ATRN: variants seen among roughly 807,000 people sequenced by gnomAD.
ATRN encodes attractin-2.
ATRN carries 54 observed loss-of-function variants against 178.7 expected under a neutral mutation model. The observed-to-expected ratio is 0.30, with a 90% CI of 0.24 to 0.38. The LOEUF is 0.38. Ranked by LOEUF, ATRN falls within the 10% of genes least tolerant of loss-of-function variation. ATRN has a pLI of 1.00. For missense variants in ATRN, 1,443 were observed against 1,815.1 expected, an observed-to-expected ratio of 0.79 and a Z score of 3.73; for synonymous variants, 636 against 663.0, an observed-to-expected ratio of 0.96 and a Z score of 0.63.
chr20:3,488,506 G>C (rs1225323313), intron 1 of ATRN, among the ~76,000 whole-genome samples: 1 of 152,136 alleles, frequency 6.6e-6, no homozygotes, highest in African/African-American at 2.4e-5. Flanking sequence ...GTGCTCTGTA[G>C]TGCTGCGTCT....
intron 28 of ATRN, 120 bp from the exon 29 acceptor site, chr20:3,646,603 T>G (rs1311763085): frequency 1.5e-6 from 2 of 1,369,724 alleles, no homozygotes; most frequent in African/African-American, 2.9e-5. Flanking sequence ...TTTTTTGTTC[T>G]GGTTTTTTGG....
At chr20:3,548,318 A>G (rs1050472488) in intron 5 of ATRN, among the ~76,000 whole-genome samples, 3 of 152,068 alleles carry the variant, frequency 2.0e-5, no homozygotes, top group Non-Finnish European at 4.4e-5. Flanking sequence ...AAGATAATAC[A>G]GGCTGGGTGT....
At chr20:3,503,476 T>C (rs964595797) in intron 1 of ATRN, among the ~76,000 whole-genome samples, 1 of 151,860 alleles carries the variant, frequency 6.6e-6, no homozygotes, top group Non-Finnish European at 1.5e-5. Context: ...ATTAAAATTA[T>C]CCTGAAACAA....
At chr20:3,519,267 C>T (rs928535431) in intron 1 of ATRN, among the ~76,000 whole-genome samples, 20 of 152,036 alleles carry the variant, frequency 1.3e-4, no homozygotes, top group African/African-American at 3.6e-4. Flanking sequence ...GATCTGAGAA[C>T]GGAGAAGATT....
At chr20:3,481,536 A>G (rs1041272122) in intron 1 of ATRN, among the ~76,000 whole-genome samples, 1 of 151,994 alleles carries the variant, frequency 6.6e-6, no homozygotes, top group African/African-American at 2.4e-5. Context: ...TGTGGAGATG[A>G]GGTCTCACTA....
chr20:3,609,718 G>GTGTT (rs2086735366), intron 24 of ATRN, among the ~76,000 whole-genome samples: 1 of 114,846 alleles, frequency 8.7e-6, no homozygotes, highest in Admixed American at 8.7e-5. Flanking sequence ...GTATGTATGT[G>GTGTT]TGTGTGTGTG....
intron 10 of ATRN, among the ~76,000 whole-genome samples, chr20:3,564,643 T>C (rs1415752321): frequency 6.6e-6 from 1 of 152,224 alleles, no homozygotes; most frequent in African/African-American, 2.4e-5. Flanking sequence ...GAAATTTCAT[T>C]TTCCACCTTT....
intron 1 of ATRN, among the ~76,000 whole-genome samples, chr20:3,474,351 G>A (rs2084481867): frequency 6.6e-6 from 1 of 152,014 alleles, no homozygotes; most frequent in Non-Finnish European, 1.5e-5. Context: ...ATATTTTGTG[G>A]GCTTTGGGAT....
chr20:3,575,731 C>A, intron 12 of ATRN, 96 bp from the exon 13 acceptor site: 2 of 1,364,490 alleles, frequency 1.5e-6, no homozygotes, highest in Non-Finnish European at 2.0e-6. Context: ...CTTCATTTTA[C>A]TTCTTAACCA....
In ATRN at chr20:3,650,870, C is replaced by T. The variant is rs2087141818; in HGVS notation, c.*4023C>T. 1.3e-5 allele frequency: 2 copies of T among 152,518 alleles called. No individual in the cohort carries two copies. Among genetic ancestry groups the T allele is most frequent in the South Asian group, 2.1e-4 (1 of 4,828 alleles). 9.4% of individuals were successfully genotyped at this position (152,518 alleles called of 1,614,324 possible). Reference sequence around the variant, plus strand: ...AATATGTATAATTTAGCATCTATTACACTCATGTAAATATGGAGTAAGTAT... The same window carrying T: ...AATATGTATAATTTAGCATCTATTATACTCATGTAAATATGGAGTAAGTAT... On this transcript the variant is annotated 3_prime_UTR_variant, in exon 29 of 29. Transcript: ENST00000262919.
intron 16 of ATRN, among the ~76,000 whole-genome samples, chr20:3,583,281 A>C (rs1368202579): frequency 1.3e-5 from 2 of 152,228 alleles, no homozygotes; most frequent in Non-Finnish European, 2.9e-5. Context: ...AGTGGATTGT[A>C]AAACCCCTAA....
intron 23 of ATRN, among the ~76,000 whole-genome samples, chr20:3,602,898 G>T (rs887343437): frequency 2.1e-5 from 3 of 145,306 alleles, no homozygotes; most frequent in African/African-American, 7.7e-5. Flanking sequence ...GGGAGGCGGA[G>T]GTTGCAGTGA....
At chr20:3,503,191 C>T (rs940274597) in intron 1 of ATRN, among the ~76,000 whole-genome samples, 3 of 152,088 alleles carry the variant, frequency 2.0e-5, no homozygotes, top group South Asian at 2.1e-4. Flanking sequence ...GCTATTGGAA[C>T]GATAGCCTAG....
At chr20:3,512,450 T>A (rs1417870786) in intron 1 of ATRN, among the ~76,000 whole-genome samples, 1 of 152,182 alleles carries the variant, frequency 6.6e-6, no homozygotes, top group Non-Finnish European at 1.5e-5. Context: ...TCATTTTTTA[T>A]GGCTGCATAG....
In ATRN at chr20:3,594,501, G is replaced by A. The variant is rs769607865; in HGVS notation, c.3345G>A (p.Ala1115=). ...CAGCATGCAAGTGCAATGGGCACGC[G>A]TCTCTGTGCAACACCAACACGGGCA... The part of the protein sequence containing the change: ...KCQPCKCNGH[A]SLCNTNTGKC... Residue 1115 remains alanine (A), a synonymous_variant, in exon 20 of 29, where the codon GCG becomes GCA. Coordinates refer to ENST00000262919, the MANE Select transcript of ATRN (RefSeq NM_139321.3). 2.4e-5 allele frequency: 38 copies of A among 1,611,174 alleles called. No individual in the cohort carries two copies. Among genetic ancestry groups the A allele is most frequent in the South Asian group, 7.7e-5 (7 of 90,696 alleles).
At chr20:3,490,548 C>T (rs1307273216) in intron 1 of ATRN, 3 of 1,130,684 alleles carry the variant, frequency 2.7e-6, no homozygotes, top group East Asian at 2.3e-5. Flanking sequence ...TATAATCCAG[C>T]TTCTCAGATG....
At chr20:3,617,204 C>T (rs1273058513) in intron 24 of ATRN, among the ~76,000 whole-genome samples, 3 of 152,100 alleles carry the variant, frequency 2.0e-5, no homozygotes, top group Non-Finnish European at 4.4e-5. Flanking sequence ...GTCTACACAG[C>T]GTGGAGTTAG....
intron 2 of ATRN, among the ~76,000 whole-genome samples, chr20:3,536,250 C>G (rs1005688741): frequency 4.6e-5 from 7 of 151,882 alleles, no homozygotes; most frequent in Non-Finnish European, 7.4e-5. Context: ...GCTCTGTGGC[C>G]CAGGCTGGAG....
chr20:3,615,430 C>CA lies in ATRN; in HGVS notation c.3802-9067dup, dbSNP rs879747604. Among the ~76,000 whole-genome samples the CA allele has an allele frequency of 4.7e-3, 512 of 107,898 alleles. 4 individuals carry two copies. Among genetic ancestry groups the CA allele is most frequent in the Middle Eastern group, 0.012 (2 of 162 alleles). 70.8% of individuals were successfully genotyped at this position (107,898 alleles called of 152,430 possible). ...AGCGACAGAGCAAGACTCCTGTCTC[C>CA]AAAAAAAAAAAAAATTTTTCTTTAT... On this transcript the variant is annotated intron_variant, in intron 24 of 28. Transcript: ENST00000262919.
Sources: gnomAD v4.1 joint callset for allele counts (sites outside exome capture counted in the v4.1 genomes callset) on GRCh38, gnomAD v4.1.1 for gene constraint, MANE v1.5 for transcripts, NCBI Gene and HGNC (gene_info 2026-07-23, HGNC 2026-07-21) for gene names.